The following METTL24 variants were observed in gnomAD, a reference collection of about 807,000 sequenced individuals.
The protein encoded by METTL24 is methyltransferase like 24.
Under a neutral mutation model 32.7 loss-of-function variants are expected in METTL24, and 29 were observed. The observed-to-expected ratio is 0.89, with a 90% CI of 0.66 to 1.21. The LOEUF (loss-of-function observed/expected upper bound fraction) is 1.21, where lower values mean the gene tolerates loss of function less well. Ranked by LOEUF, METTL24 falls within the 50% of genes most tolerant of loss-of-function variation. The pLI, the probability that METTL24 is intolerant of heterozygous loss-of-function variation, is 0.00. For missense variants in METTL24, 439 were observed against 468.1 expected (o/e 0.94, Z 0.57); for synonymous variants, 163 against 179.5 (o/e 0.91, Z 0.73).
At chr6:110,282,135 A>C (rs1771146713) in intron 4 of METTL24, among the ~76,000 whole-genome samples, 1 of 152,134 alleles carries the variant, frequency 6.6e-6, no homozygotes, top group African/African-American at 2.4e-5. Flanking sequence ...AAGGGCACTA[A>C]AGGGATGTCT....
chr6:110,277,154 T>G (rs1771062239), intron 4 of METTL24, among the ~76,000 whole-genome samples: 1 of 152,222 alleles, frequency 6.6e-6, no homozygotes, highest in South Asian at 2.1e-4. Flanking sequence ...CTTTTCTTCG[T>G]GAAATTACAA....
chr6:110,265,128 GGAAAGAAAGAAAGAAAGAAA>G (rs56782773), intron 4 of METTL24, among the ~76,000 whole-genome samples: 10,698 of 117,776 alleles, frequency 0.091, 560 homozygotes, highest in African/African-American at 0.12. Flanking sequence ...TAATAAAAAA[GGAAAGAAAGAAAGAAAGAAA>G]GAAAGAAAGA....
chr6:110,260,584 G>A (rs1224627765), intron 4 of METTL24, among the ~76,000 whole-genome samples: 3 of 152,120 alleles, frequency 2.0e-5, no homozygotes, highest in African/African-American at 4.8e-5. Flanking sequence ...AGTAAGGCAG[G>A]CCAACATTCA....
intron 4 of METTL24, among the ~76,000 whole-genome samples, chr6:110,277,689 C>G (rs796200088): frequency 1.3e-5 from 2 of 152,068 alleles, no homozygotes; most frequent in African/African-American, 4.8e-5. Context: ...CCCAACAAAC[C>G]TTCTTCTACT....
At chr6:110,322,154 T>A (rs2114753880) in intron 2 of METTL24, among the ~76,000 whole-genome samples, 1 of 152,294 alleles carries the variant, frequency 6.6e-6, no homozygotes, top group African/African-American at 2.4e-5. Context: ...TAATGGACAG[T>A]CTCTTTGCCT....
rs1364605112 is a variant in METTL24 at position 110,350,969 on chromosome 6, G to A, written c.318+6986C>T. ...TAAAAATACAAAAAATTAGCTGGGCGTGGTGGCAGGCGCCTGTAATCCCAG... is the reference window on the plus strand; with the variant it reads ...TAAAAATACAAAAAATTAGCTGGGCATGGTGGCAGGCGCCTGTAATCCCAG... On this transcript the variant is annotated intron_variant, in intron 1 of 4. Coordinates refer to ENST00000338882, the MANE Select transcript of METTL24 (RefSeq NM_001123364.3). 3.3e-5 allele frequency among the ~76,000 whole-genome samples: 5 copies of A among 151,932 alleles called. No homozygotes were observed. The East Asian group carries it at 5.8e-4, about 18-fold the overall frequency.
intron 1 of METTL24, among the ~76,000 whole-genome samples, chr6:110,344,319 G>A (rs1042799247): frequency 1.3e-5 from 2 of 152,070 alleles, no homozygotes; most frequent in African/African-American, 4.8e-5. Context: ...GAGTCTCCTG[G>A]ACATGACTGG....
intron 3 of METTL24, among the ~76,000 whole-genome samples, chr6:110,305,078 G>A (rs903464708): frequency 1.4e-4 from 22 of 152,096 alleles, no homozygotes; most frequent in Non-Finnish European, 2.9e-4. Flanking sequence ...AAGTGAAGGA[G>A]AATAAAATCC....
intron 4 of METTL24, among the ~76,000 whole-genome samples, chr6:110,253,041 A>G (rs1778311877): frequency 6.6e-6 from 1 of 152,178 alleles, no homozygotes; most frequent in African/African-American, 2.4e-5. Context: ...GGTAGAAGTG[A>G]TTCTAAGTGG....
rs1196930288 is a variant in METTL24 at position 110,358,128 on chromosome 6, G to A, written c.145C>T (p.Pro49Ser). 1.6e-5 allele frequency: 18 copies of A among 1,100,842 alleles called. No homozygotes were observed. The highest frequency in any genetic ancestry group is 2.0e-5 in the Non-Finnish European group (18 of 905,144). 68.2% of individuals were successfully genotyped at this position (1,100,842 alleles called of 1,614,324 possible). The change falls in exon 1 of 5, where the codon CCG becomes TCG. Residue 49 changes from proline to serine, a missense_variant. By Grantham distance (74) the Pro-to-Ser change is moderately conservative. Coordinates refer to ENST00000338882, the MANE Select transcript of METTL24 (RefSeq NM_001123364.3). Reference sequence around the variant, plus strand: ...TGCGGCCCAGGTGGCCGCCAGGCCGGGCCCGGCGGGGCGCTGCGGGTGGGG... The same window carrying A: ...TGCGGCCCAGGTGGCCGCCAGGCCGAGCCCGGCGGGGCGCTGCGGGTGGGG... ...GSPTRSAPPG[P>S]AWRPPGPHLP...
chr6:110,320,893 C>G (rs1771919295), intron 2 of METTL24, among the ~76,000 whole-genome samples: 1 of 151,978 alleles, frequency 6.6e-6, no homozygotes, highest in Admixed American at 6.6e-5. Flanking sequence ...GCCAGAGAAG[C>G]AAAGTGAAGT....
At chr6:110,319,821 T>C (rs1281263615) in intron 2 of METTL24, among the ~76,000 whole-genome samples, 1 of 152,102 alleles carries the variant, frequency 6.6e-6, no homozygotes. Context: ...ACCCCAACCA[T>C]GCCTCCAGGA....
chr6:110,252,145 A>AAAAAC (rs1326862129), intron 4 of METTL24, among the ~76,000 whole-genome samples: 1 of 152,170 alleles, frequency 6.6e-6, no homozygotes, highest in Admixed American at 6.5e-5. Context: ...CTCTTCCTTA[A>AAAAAC]AAAACAAAAC....
rs139756374 is a variant in METTL24, at chr6:110,297,307, C to T, written c.786+1615G>A. Among the ~76,000 whole-genome samples, 352 of 152,280 alleles carry T rather than the reference C, an allele frequency of 2.3e-3. 3 individuals carry two copies. The highest frequency in any genetic ancestry group is 7.9e-3 in the African/African-American group (327 of 41,544). On this transcript the variant is annotated intron_variant, in intron 4 of 4. Transcript: ENST00000338882. ...TAAACAAACACAATTCAGGTACATA[C>T]CTTGTTATCTAAAATTAGATAAATT...
At chr6:110,351,852 T>G (rs778955750) in intron 1 of METTL24, among the ~76,000 whole-genome samples, 12 of 152,332 alleles carry the variant, frequency 7.9e-5, no homozygotes, top group Admixed American at 2.0e-4. Context: ...AGCTGGGATT[T>G]CCGTAACAGC....
chr6:110,321,772 A>T (rs922088667), intron 2 of METTL24, among the ~76,000 whole-genome samples: 2 of 152,226 alleles, frequency 1.3e-5, no homozygotes, highest in Admixed American at 6.5e-5. Context: ...GCATTATATG[A>T]TAAATGAGAC....
chr6:110,259,924 C>G (rs1778460232), intron 4 of METTL24, among the ~76,000 whole-genome samples: 1 of 152,152 alleles, frequency 6.6e-6, no homozygotes, highest in African/African-American at 2.4e-5. Flanking sequence ...AGAAGGAAAA[C>G]TAACAAACAG....
chr6:110,301,223 A>C (rs1272720514), intron 3 of METTL24, among the ~76,000 whole-genome samples: 1 of 152,072 alleles, frequency 6.6e-6, no homozygotes, highest in African/African-American at 2.4e-5. Flanking sequence ...CATTTCTTCC[A>C]CCTAACAGTT....
At chr6:110,286,998 C>T (rs148240823) in intron 4 of METTL24, among the ~76,000 whole-genome samples, 1 of 152,268 alleles carries the variant, frequency 6.6e-6, no homozygotes, top group East Asian at 1.9e-4. Context: ...ACTTAATAAG[C>T]TTCCCTTTAT....
Sources: gnomAD v4.1 joint callset for allele counts (sites outside exome capture counted in the v4.1 genomes callset) on GRCh38, gnomAD v4.1.1 for gene constraint, MANE v1.5 for transcripts, NCBI Gene and HGNC (gene_info 2026-07-23, HGNC 2026-07-21) for gene names.